CELSR3: variants seen among roughly 807,000 people sequenced by gnomAD.
CELSR3 encodes the protein cadherin EGF LAG seven-pass G-type receptor 3, also known as EGF-like protein 1.
A neutral mutation model predicts 270.0 loss-of-function variants in CELSR3; 73 were observed. The observed-to-expected ratio is 0.27, with a 90% CI of 0.22 to 0.33. CELSR3 has a LOEUF of 0.33. Ranked by LOEUF, CELSR3 falls within the 10% of genes least tolerant of loss-of-function variation. The pLI, the probability that CELSR3 is intolerant of heterozygous loss-of-function variation, is 1.00. For synonymous variants in CELSR3, 1,780 were observed against 1,905.4 expected (o/e 0.93, Z 1.71); for missense variants, 3,614 against 4,533.8 (o/e 0.80, Z 5.83).
chr3:48,636,584 T>C lies in CELSR3; in HGVS notation c.*1621A>G, dbSNP rs1327481597. The stretch of plus-strand genomic sequence containing the variant: ...CCCAGAGAGGGGCATCTACGAAACC[T>C]AGGACATAGTAAAGACACCCTCCCA... On this transcript the variant is annotated 3_prime_UTR_variant, in exon 35 of 35. Transcript: ENST00000164024. The C allele has an allele frequency of 6.6e-6, 1 of 152,042 alleles. No homozygotes were observed. The highest frequency in any genetic ancestry group is 1.9e-4 in the East Asian group (1 of 5,182). 9.4% of individuals were successfully genotyped at this position (152,042 alleles called of 1,614,324 possible).
In CELSR3 at chr3:48,646,333, T is replaced by C; in HGVS notation, c.7296-76A>G. The C allele has an allele frequency of 2.7e-6, 4 of 1,470,748 alleles. No homozygotes were observed. The highest frequency in any genetic ancestry group is 3.7e-6 in the Non-Finnish European group (4 of 1,089,594). 91.1% of individuals were successfully genotyped at this position (1,470,748 alleles called of 1,614,324 possible). A position where few individuals can be genotyped will look rare whatever the true frequency, so the allele number is the denominator to read the frequency against. On this transcript the variant is annotated intron_variant, in intron 21 of 34. Transcript: ENST00000164024. The surrounding 1 kb of genome is among the most constrained non-coding windows in gnomAD (Gnocchi z 4.8). The stretch of plus-strand genomic sequence containing the variant: ...GCCTGCTTGCCTCACCCCGTCTTCA[T>C]GCCACTCGCCAGGGCTGACCCAGGG...
chr3:48,655,219 C>A lies in CELSR3; in HGVS notation c.4831-18G>T. The A allele has an allele frequency of 4.3e-6, 7 of 1,614,010 alleles. No homozygotes were observed. Among genetic ancestry groups the A allele is most frequent in the Non-Finnish European group, 5.9e-6 (7 of 1,179,922 alleles). Reference sequence around the variant, plus strand: ...GTCCGGGGCTGAAGACGCAGGCACACCAGTCAACAGTGCCCCCAGTAACCC... The same window carrying A: ...GTCCGGGGCTGAAGACGCAGGCACAACAGTCAACAGTGCCCCCAGTAACCC... On this transcript the variant is annotated intron_variant, in intron 5 of 34. Coordinates refer to ENST00000164024, the MANE Select transcript of CELSR3 (RefSeq NM_001407.3). The surrounding 1 kb of genome is among the most constrained non-coding windows in gnomAD (Gnocchi z 5.8).
At position 48,661,349 on chromosome 3, in the gene CELSR3, T is replaced by C. The variant is rs2077064918; in HGVS notation, c.1286A>G (p.His429Arg). The C allele has an allele frequency of 6.2e-7, 1 of 1,612,854 alleles. No individual in the cohort carries two copies. Among genetic ancestry groups the C allele is most frequent in the Non-Finnish European group, 8.5e-7 (1 of 1,179,826 alleles). ...VAVTVADRND[H>R]SPVFEQAQYR... ...CTGCGCTTGCTCAAAAACCGGCGAG[T>C]GGTCGTTGCGGTCGGCTACTGTCAC... The change falls in exon 1 of 35, where the codon CAC (histidine) becomes CGC (arginine). Residue 429 changes from histidine to arginine, a missense_variant. By Grantham distance (29) the His-to-Arg change is conservative (BLOSUM62 0). Around this residue, in one of 7 missense-constraint regions of CELSR3, gnomAD observed 354 missense variants for 500.9 expected, o/e 0.71. Transcript: ENST00000164024.
Position 48,641,014 on chromosome 3 carries a change from G to A in CELSR3, c.9025+310C>T, listed in dbSNP as rs368743823. 3.9e-5 allele frequency: 16 copies of A among 412,050 alleles called. No homozygotes were observed. The East Asian group carries it at 5.3e-4, about 14-fold the overall frequency. 25.5% of individuals were successfully genotyped at this position (412,050 alleles called of 1,614,324 possible). A position where few individuals can be genotyped will look rare whatever the true frequency, so the allele number is the denominator to read the frequency against. On this transcript the variant is annotated intron_variant, in intron 33 of 34. Coordinates refer to ENST00000164024, the MANE Select transcript of CELSR3 (RefSeq NM_001407.3). This position sits in a 1 kb window ranked among gnomAD's most constrained non-coding sequence, Gnocchi z 4.8. ...GCAGAAATCTTCCAGATCAGAGCAC[G>A]GGCTCTGGGATCTGGGTGGGGGGCA...
In CELSR3 at chr3:48,657,183, G is replaced by A. The variant is rs141639435; in HGVS notation, c.3914C>T (p.Thr1305Met). ...FLEGVAAVLA[T>M]PAEDVFIFNI... ...GAAGATGAAGACGTCCTCAGCGGGC[G>A]TAGCGAGCACCGCAGCCACGCCCTC... Residue 1305 changes from threonine to methionine, a missense_variant, in exon 2 of 35, where the codon ACG becomes ATG. Transcript: ENST00000164024. The surrounding 1 kb of genome is among the most constrained non-coding windows in gnomAD (Gnocchi z 5.4). 4.6e-5 allele frequency: 75 copies of A among 1,613,976 alleles called. No homozygotes were observed. The African/African-American group carries it at 7.1e-4, about 15-fold the overall frequency.
At position 48,660,512 on chromosome 3, in the gene CELSR3, A is replaced by G; in HGVS notation, c.2123T>C (p.Val708Ala). The G allele has an allele frequency of 6.2e-7, 1 of 1,614,062 alleles. No homozygotes were observed. The highest frequency in any genetic ancestry group is 8.5e-7 in the Non-Finnish European group (1 of 1,180,014). ...PFVINSATGW[V>A]SVSGPLDRES... ...ACGGTCCAGGGGACCACTCACAGAG[A>G]CCCAGCCAGTGGCGCTGTTTATCAC... The change falls in exon 1 of 35, where the codon GTC becomes GCC. Residue 708 changes from valine to alanine, a missense_variant. Around this residue, in one of 7 missense-constraint regions of CELSR3, gnomAD observed 215 missense variants for 241.2 expected, o/e 0.89. Transcript: ENST00000164024. This position sits in a 1 kb window ranked among gnomAD's most constrained non-coding sequence, Gnocchi z 5.5.
In CELSR3 at chr3:48,650,432, C is replaced by CTGGGGGGGG; in HGVS notation, c.6472+47_6472+48insCCCCCCCCA. On this transcript the variant is annotated intron_variant, in intron 16 of 34. Transcript: ENST00000164024. The surrounding 1 kb of genome is among the most constrained non-coding windows in gnomAD (Gnocchi z 5.1). The stretch of plus-strand genomic sequence containing the variant: ...AGACATGGCTCTAGCAGTCAGAGTA[C>CTGGGGGGGG]AGGCCCACCCCCACCCTCAGTGATG... 1 of 1,208,944 alleles carries CTGGGGGGGG rather than the reference C, an allele frequency of 8.3e-7. No homozygotes were observed. The highest frequency in any genetic ancestry group is 1.2e-6 in the Non-Finnish European group (1 of 844,584). 74.9% of individuals were successfully genotyped at this position (1,208,944 alleles called of 1,614,324 possible).
rs2047157826 is a variant in CELSR3 at position 48,653,765 on chromosome 3, G to A, written c.5302C>T (p.Arg1768Cys). The change falls in exon 9 of 35, where the codon CGT becomes TGT. Residue 1768 changes from arginine to cysteine, a missense_variant. Arg to Cys is a radical substitution (Grantham distance 180). This residue lies in a region of CELSR3 where 1,331 missense variants were observed against 1,933.7 expected (regional missense o/e 0.69). Coordinates refer to ENST00000164024, the MANE Select transcript of CELSR3 (RefSeq NM_001407.3). This position sits in a 1 kb window ranked among gnomAD's most constrained non-coding sequence, Gnocchi z 6.5. ...QLTMAHPHHFRGNGTLSWNFG... is the reference protein window; with the variant it reads ...QLTMAHPHHFCGNGTLSWNFG... The stretch of plus-strand genomic sequence containing the variant: ...TTCCAGCTCAGTGTGCCGTTGCCAC[G>A]GAAATGGTGGGGATGGGCCATAGCT... 3 of 1,614,184 alleles carry A rather than the reference G, an allele frequency of 1.9e-6. No homozygotes were observed. Among genetic ancestry groups the A allele is most frequent in the Non-Finnish European group, 2.5e-6 (3 of 1,180,036 alleles).
At position 48,642,156 on chromosome 3, in the gene CELSR3, G is replaced by C. The variant is rs1446622698; in HGVS notation, c.8666-147C>G. ...CTTGAAGTGGAGGTAGCAGCAGAAG[G>C]GCTGGGACTTATCAGAGGGAAGGAC... On this transcript the variant is annotated intron_variant, in intron 31 of 34. Transcript: ENST00000164024. The surrounding 1 kb of genome is among the most constrained non-coding windows in gnomAD (Gnocchi z 6.1). 1 of 890,848 alleles carries C rather than the reference G, an allele frequency of 1.1e-6. No homozygotes were observed. Among genetic ancestry groups the C allele is most frequent in the East Asian group, 2.7e-5 (1 of 37,354 alleles). 55.2% of individuals were successfully genotyped at this position (890,848 alleles called of 1,614,324 possible).
chr3:48,661,433 A>G lies in CELSR3; in HGVS notation c.1202T>C (p.Leu401Pro). The change falls in exon 1 of 35, where the codon CTG (leucine) becomes CCG (proline). Residue 401 changes from leucine to proline, a missense_variant. By Grantham distance (98) the Leu-to-Pro change is moderately conservative. Transcript: ENST00000164024. ...LDRESMERHY[L>P]RVTAQDHGSP... ...CCCGTGGTCCTGCGCGGTCACACGC[A>G]GGTAGTGACGCTCCATGCTCTCGCG... 6.2e-7 allele frequency: 1 copy of G among 1,611,440 alleles called. No individual in the cohort carries two copies. Among genetic ancestry groups the G allele is most frequent in the Non-Finnish European group, 8.5e-7 (1 of 1,179,410 alleles).
Position 48,650,329 on chromosome 3 carries a change from G to A in CELSR3, c.6472+151C>T, listed in dbSNP as rs752178894. 1.4e-4 allele frequency: 101 copies of A among 718,860 alleles called. 1 individual carries two copies. In the African/African-American group the frequency reaches 1.6e-3, roughly 11 times the overall value. 44.5% of individuals were successfully genotyped at this position (718,860 alleles called of 1,614,324 possible). On this transcript the variant is annotated intron_variant, in intron 16 of 34. Transcript: ENST00000164024. The surrounding 1 kb of genome is among the most constrained non-coding windows in gnomAD (Gnocchi z 5.1). ...AGAGAAACAGATGGAGGCTCAATGA[G>A]GGTGTAGGGAGGGGCCCACATGGAC...
Position 48,641,484 on chromosome 3 carries a change from C to G in CELSR3, c.8865G>C (p.Leu2955=). 1 of 1,612,416 alleles carries G rather than the reference C, an allele frequency of 6.2e-7. No homozygotes were observed. Reference sequence around the variant, plus strand: ...CACAGGGGGCTGCCTCGCACTCCCCCAGGGCTGGCCAGTAGGACAGGAGGT... The same window carrying G: ...CACAGGGGGCTGCCTCGCACTCCCCGAGGGCTGGCCAGTAGGACAGGAGGT... The part of the protein sequence containing the change: ...GNDLLSYWPA[L]GECEAAPCAL... Residue 2955 remains leucine, a synonymous_variant, in exon 33 of 35, where the codon CTG becomes CTC. Transcript: ENST00000164024. The surrounding 1 kb of genome is among the most constrained non-coding windows in gnomAD (Gnocchi z 4.8).
In CELSR3 at chr3:48,639,585, T is replaced by C; in HGVS notation, c.9911+89A>G. The stretch of plus-strand genomic sequence containing the variant: ...GCCCACACCTGTCTGCCAGCCCTCA[T>C]CCCCTTCTGTGGCAGAACACAGGGC... On this transcript the variant is annotated intron_variant, in intron 34 of 34. Transcript: ENST00000164024. The surrounding 1 kb of genome is among the most constrained non-coding windows in gnomAD (Gnocchi z 4.1). The C allele has an allele frequency of 6.5e-7, 1 of 1,533,608 alleles. No homozygotes were observed. The highest frequency in any genetic ancestry group is 1.2e-5 in the South Asian group (1 of 80,898).
rs1346658446 is a variant in CELSR3 at position 48,640,895 on chromosome 3, C to T, written c.9026-336G>A. 1 of 434,698 alleles carries T rather than the reference C, an allele frequency of 2.3e-6. No homozygotes were observed. The allele number at this position is 434,698 out of a possible 1,614,324, so 26.9% of individuals were successfully genotyped here. A position where few individuals can be genotyped will look rare whatever the true frequency, so the allele number is the denominator to read the frequency against. The stretch of plus-strand genomic sequence containing the variant: ...CAGGCCTGGCTGAAATGCAGGAACC[C>T]CCCGGGTTGGACAGGAGCAGTCCCC... On this transcript the variant is annotated intron_variant, in intron 33 of 34. Transcript: ENST00000164024. This position sits in a 1 kb window ranked among gnomAD's most constrained non-coding sequence, Gnocchi z 7.5.
Position 48,638,080 on chromosome 3 carries a change from A to G in CELSR3, c.*125T>C. ...GCCTCAGCCCTGCCACACCAGGTAGAGCTGGGGCACCCACCACTGGGGAGC... is the reference window on the plus strand; with the variant it reads ...GCCTCAGCCCTGCCACACCAGGTAGGGCTGGGGCACCCACCACTGGGGAGC... On this transcript the variant is annotated 3_prime_UTR_variant, in exon 35 of 35. Coordinates refer to ENST00000164024, the MANE Select transcript of CELSR3 (RefSeq NM_001407.3). The G allele has an allele frequency of 1.3e-6, 1 of 775,820 alleles. No individual in the cohort carries two copies. The highest frequency in any genetic ancestry group is 2.3e-6 in the Non-Finnish European group (1 of 439,646). The allele number at this position is 775,820 out of a possible 1,614,324, so 48.1% of individuals were successfully genotyped here. A position where few individuals can be genotyped will look rare whatever the true frequency, so the allele number is the denominator to read the frequency against.
In CELSR3 at chr3:48,642,609, C is replaced by G. The variant is rs1575538452; in HGVS notation, c.8555+127G>C. The G allele has an allele frequency of 2.1e-6, 3 of 1,450,404 alleles. No homozygotes were observed. The highest frequency in any genetic ancestry group is 4.1e-5 in the Admixed American group (2 of 49,140). The allele number at this position is 1,450,404 out of a possible 1,614,324, so 89.8% of individuals were successfully genotyped here. On this transcript the variant is annotated intron_variant, in intron 30 of 34. Coordinates refer to ENST00000164024, the MANE Select transcript of CELSR3 (RefSeq NM_001407.3). The surrounding 1 kb of genome is among the most constrained non-coding windows in gnomAD (Gnocchi z 6.1). ...TGGTGGGAAGCATTTAGGGCAGAGG[C>G]AGAAGCAGGGCCCCAGATGGCCAAG...
chr3:48,642,206 C>G lies in CELSR3; in HGVS notation c.8665+152G>C, dbSNP rs2047033628. 1.1e-6 allele frequency: 1 copy of G among 916,408 alleles called. No homozygotes were observed. The highest frequency in any genetic ancestry group is 1.6e-6 in the Non-Finnish European group (1 of 623,490). 56.8% of individuals were successfully genotyped at this position (916,408 alleles called of 1,614,324 possible). On this transcript the variant is annotated intron_variant, in intron 31 of 34. Transcript: ENST00000164024. This position sits in a 1 kb window ranked among gnomAD's most constrained non-coding sequence, Gnocchi z 6.1. ...CGAATCAGGAGTGGACTGGGAGAAC[C>G]AGGGCTGGAGAGGTAGGTGCCTCCT...
In CELSR3 at chr3:48,655,472, C is replaced by T. The variant is rs2047172459; in HGVS notation, c.4742-78G>A. ...CACCCGTCATATAAGCACAACCATTCCCAGGGCCACCCTGGATGCATCAGA... is the reference window on the plus strand; with the variant it reads ...CACCCGTCATATAAGCACAACCATTTCCAGGGCCACCCTGGATGCATCAGA... On this transcript the variant is annotated intron_variant, in intron 4 of 34. Coordinates refer to ENST00000164024, the MANE Select transcript of CELSR3 (RefSeq NM_001407.3). The surrounding 1 kb of genome is among the most constrained non-coding windows in gnomAD (Gnocchi z 5.8). The T allele has an allele frequency of 2.1e-6, 3 of 1,410,442 alleles. No homozygotes were observed. The Admixed American group carries it at 5.2e-5, about 24-fold the overall frequency. 87.4% of individuals were successfully genotyped at this position (1,410,442 alleles called of 1,614,324 possible). A position where few individuals can be genotyped will look rare whatever the true frequency, so the allele number is the denominator to read the frequency against.
rs771072162 is a variant in CELSR3 at position 48,661,270 on chromosome 3, C to A, written c.1365G>T (p.Leu455=). ...NVEEGYPILQ[L]RATDGDAPPN... is the part of the protein sequence containing the mutation. ...GGGGCGCGTCGCCGTCAGTGGCACGCAGCTGCAGGATAGGGTAGCCCTCCT... is the reference window on the plus strand; with the variant it reads ...GGGGCGCGTCGCCGTCAGTGGCACGAAGCTGCAGGATAGGGTAGCCCTCCT... The change falls in exon 1 of 35, where the codon CTG becomes CTT. Residue 455 remains leucine, a synonymous_variant. Coordinates refer to ENST00000164024, the MANE Select transcript of CELSR3 (RefSeq NM_001407.3). 1 of 1,611,726 alleles carries A rather than the reference C, an allele frequency of 6.2e-7. No individual in the cohort carries two copies. Among genetic ancestry groups the A allele is most frequent in the Non-Finnish European group, 8.5e-7 (1 of 1,178,574 alleles).
Sources: gnomAD v4.1 joint callset for allele counts on GRCh38, gnomAD v4.1.1 for gene constraint, gnomAD v4.1.1 regional missense constraint, Gnocchi (gnomAD v3.1) non-coding constraint, MANE v1.5 for transcripts, NCBI Gene and HGNC (gene_info 2026-07-23, HGNC 2026-07-21) for gene names.